AACS: variants seen among roughly 807,000 people sequenced by gnomAD.
AACS encodes acetoacetyl-CoA synthetase.
A neutral mutation model predicts 83.1 loss-of-function variants in AACS; 69 were observed. The observed-to-expected ratio is 0.83, with a 90% CI of 0.68 to 1.01. The LOEUF (loss-of-function observed/expected upper bound fraction) is 1.01. Ranked by LOEUF, AACS falls within the 50% of genes least tolerant of loss-of-function variation. AACS has a pLI of 0.00. For missense variants in AACS, 866 were observed against 882.2 expected (o/e 0.98, Z 0.23); for synonymous variants, 333 against 343.4 (o/e 0.97, Z 0.33).
chr12:125,088,120 TC>T (rs1423620021), intron 4 of AACS, among the ~76,000 whole-genome samples: 1 of 152,152 alleles, frequency 6.6e-6, no homozygotes, highest in Non-Finnish European at 1.5e-5. Context: ...CTTTGTTTTC[TC>T]CTCACTGCTG....
Position 125,118,690 on chromosome 12 carries a change from C to A in AACS, c.1046C>A (p.Ala349Glu), listed in dbSNP as rs369312302. The A allele has an allele frequency of 6.2e-7, 1 of 1,614,032 alleles. No homozygotes were observed. The highest frequency in any genetic ancestry group is 8.5e-7 in the Non-Finnish European group (1 of 1,179,976). The change falls in exon 10 of 18, where the codon GCG becomes GAG. Residue 349 changes from alanine (A) to glutamate (E), a missense_variant. Coordinates refer to ENST00000316519, the MANE Select transcript of AACS (RefSeq NM_023928.5). ...NWMVSLLATG[A>E]AMVLYDGSPL... ...ATGGTGTCCCTTCTGGCCACAGGAG[C>A]GGCCATGGTCTTGTACGATGGCTCC...
chr12:125,094,972 G>A lies in AACS; in HGVS notation c.570+3449G>A, dbSNP rs1384554. Among the ~76,000 whole-genome samples, 7 of 145,470 alleles carry A rather than the reference G, an allele frequency of 4.8e-5. No individual in the cohort carries two copies. The East Asian group carries it at 1.4e-3, about 29-fold the overall frequency. ...GCCTTGTCCTCCTGAAGTGCCATCAGGTGGCCGTGTGTGTGTGTGTGTGTG... is the reference window on the plus strand; with the variant it reads ...GCCTTGTCCTCCTGAAGTGCCATCAAGTGGCCGTGTGTGTGTGTGTGTGTG... On this transcript the variant is annotated intron_variant, in intron 5 of 17. Transcript: ENST00000316519. This position sits in a 1 kb window ranked among gnomAD's most constrained non-coding sequence, Gnocchi z 4.1.
intron 1 of AACS, among the ~76,000 whole-genome samples, chr12:125,068,716 G>A (rs1955773316): frequency 6.6e-6 from 1 of 152,128 alleles, no homozygotes; most frequent in South Asian, 2.1e-4. Flanking sequence ...TTTGCTTGAA[G>A]ATCCAGCTCA....
chr12:125,142,025 A>T (rs1368829048), intron 17 of AACS, 67 bp from the exon 18 acceptor site: 1 of 1,598,280 alleles, frequency 6.3e-7, no homozygotes. Flanking sequence ...GCCTGGATAT[A>T]TCCAGGGCTG....
chr12:125,108,828 C>T (rs1257136555), intron 8 of AACS, among the ~76,000 whole-genome samples: 4 of 149,758 alleles, frequency 2.7e-5, no homozygotes, highest in African/African-American at 9.8e-5. Flanking sequence ...CCGCTATGCC[C>T]TACTCGTTTT....
At chr12:125,110,190 TG>T (rs1432002472) in intron 8 of AACS, among the ~76,000 whole-genome samples, 14 of 194 alleles carry the variant, frequency 0.072, no homozygotes, top group African/African-American at 0.12. Flanking sequence ...CGGCTAAGTT[TG>T]TGTGTGTGTG....
At chr12:125,107,868 T>G (rs1956868188) in intron 8 of AACS, among the ~76,000 whole-genome samples, 1 of 152,012 alleles carries the variant, frequency 6.6e-6, no homozygotes, top group African/African-American at 2.4e-5. Flanking sequence ...GAGGCTGAAG[T>G]GGGACAATTG....
chr12:125,115,263 T>G (rs1196279721), intron 9 of AACS, among the ~76,000 whole-genome samples: 1 of 150,256 alleles, frequency 6.7e-6, no homozygotes, highest in Non-Finnish European at 1.5e-5. Context: ...GTGCTGAGTT[T>G]TTTTTTTTTT....
Position 125,091,489 on chromosome 12 carries a change from T to C in AACS, c.536T>C (p.Ile179Thr). 1.9e-6 allele frequency: 3 copies of C among 1,614,250 alleles called. No homozygotes were observed. The South Asian group carries it at 3.3e-5, about 18-fold the overall frequency. ...CTGGCTGCGGCAAGCATTGGTGCCA[T>C]CTGGAGCTCCACGTCCCCGGACTTC... ...AMLAAASIGA[I>T]WSSTSPDFGV... Residue 179 changes from isoleucine to threonine, a missense_variant, in exon 5 of 18, where the codon ATC (isoleucine) becomes ACC (threonine). Coordinates refer to ENST00000316519, the MANE Select transcript of AACS (RefSeq NM_023928.5).
rs1957218517 is a variant in AACS at position 125,124,754 on chromosome 12, A to T, written c.1171A>T (p.Lys391Ter). 1 of 1,614,034 alleles carries T rather than the reference A, an allele frequency of 6.2e-7. No homozygotes were observed. The highest frequency in any genetic ancestry group is 1.3e-5 in the African/African-American group (1 of 74,896). The change falls in exon 11 of 18, where the codon AAG becomes TAG. Residue 391 changes from lysine to a stop codon, truncating the protein, a stop_gained. Transcript: ENST00000316519. LOFTEE classifies it high-confidence loss of function. The part of the protein sequence containing the change: ...GAKWLSVLEE[K>*]AMKPVETHSL... Reference sequence around the variant, plus strand: ...CAAGTGGCTGTCAGTGCTGGAAGAGAAGGCCATGAAGCCGGGTGAGTGTGC... The same window carrying T: ...CAAGTGGCTGTCAGTGCTGGAAGAGTAGGCCATGAAGCCGGGTGAGTGTGC...
At chr12:125,133,286 CT>C (rs1326621594) in intron 14 of AACS, among the ~76,000 whole-genome samples, 6 of 152,172 alleles carry the variant, frequency 3.9e-5, no homozygotes, top group Non-Finnish European at 7.4e-5. Flanking sequence ...CAAGGAACCT[CT>C]CTCCTTAGAG....
intron 5 of AACS, chr12:125,101,714 T>G (rs1956711746): frequency 6.6e-6 from 1 of 152,114 alleles, no homozygotes; most frequent in South Asian, 2.1e-4. Flanking sequence ...TATTGATGCC[T>G]TCCTTGGCAT....
At chr12:125,085,092 G>GA (rs761610283) in intron 3 of AACS, among the ~76,000 whole-genome samples, 9 of 152,196 alleles carry the variant, frequency 5.9e-5, no homozygotes, top group Non-Finnish European at 1.3e-4. Context: ...TGGTGTAGGG[G>GA]TCAGGGATGA....
chr12:125,126,383 C>CAA (rs1957245064), intron 12 of AACS: 1 of 152,198 alleles, frequency 6.6e-6, no homozygotes. Flanking sequence ...CCCCCTTCCC[C>CAA]AAGGAAGCCG....
At chr12:125,125,145 A>T in intron 12 of AACS, 121 bp downstream of exon 12, 4 of 1,436,162 alleles carry the variant, frequency 2.8e-6, no homozygotes, top group Non-Finnish European at 3.8e-6. Flanking sequence ...CAATACGCAC[A>T]GTCCCTTCTC....
intron 3 of AACS, among the ~76,000 whole-genome samples, chr12:125,078,843 A>G (rs1430636172): frequency 1.3e-5 from 2 of 150,694 alleles, no homozygotes; most frequent in African/African-American, 4.9e-5. Flanking sequence ...AAAAAAAAAA[A>G]AAGCCTCCTC....
chr12:125,135,752 A>G (rs1957392422), intron 16 of AACS: 1 of 152,240 alleles, frequency 6.6e-6, no homozygotes, highest in East Asian at 1.9e-4. Flanking sequence ...CTTTTTTAAA[A>G]AAATTTTTTT....
chr12:125,117,295 TC>T (rs1012290729), intron 9 of AACS, among the ~76,000 whole-genome samples: 3 of 151,768 alleles, frequency 2.0e-5, no homozygotes, highest in Admixed American at 2.0e-4. Flanking sequence ...GCACCTGTAA[TC>T]CCAGCTACTT....
Position 125,081,882 on chromosome 12 carries a change from T to G in AACS, c.359-4448T>G, listed in dbSNP as rs549525139. 5.9e-5 allele frequency among the ~76,000 whole-genome samples: 9 copies of G among 151,710 alleles called. No individual in the cohort carries two copies. The East Asian group carries it at 1.4e-3, about 23-fold the overall frequency. On this transcript the variant is annotated intron_variant, in intron 3 of 17. Coordinates refer to ENST00000316519, the MANE Select transcript of AACS (RefSeq NM_023928.5). ...GCAAATAGGAAAAAAAAAACGAGTT[T>G]TTTTTTTTTTGAGGTGGAGTTTCAC...
Sources: allele counts gnomAD v4.1 joint callset (sites outside exome capture counted in the v4.1 genomes callset), GRCh38; gene constraint gnomAD v4.1.1; non-coding constraint Gnocchi (gnomAD v3.1); transcripts MANE v1.5; gene names NCBI Gene and HGNC (gene_info 2026-07-23, HGNC 2026-07-21).